Variants in CUX1 observed in about 807,000 individuals in gnomAD.
CUX1 encodes the protein cut like homeobox 1, also known as protein CASP.
Under a neutral mutation model 158.8 loss-of-function variants are expected in CUX1, and 31 were observed. That is an observed-to-expected ratio of 0.20 (90% confidence interval 0.15 to 0.26). The LOEUF is 0.26. CUX1 is among the 10% of genes least tolerant of loss of function. CUX1 has a pLI of 1.00. For synonymous variants in CUX1, 879 were observed against 862.1 expected, an observed-to-expected ratio of 1.02 and a Z score of -0.34; for missense variants, 1,589 against 2,014.6, an observed-to-expected ratio of 0.79 and a Z score of 4.04.
In CUX1 at chr7:102,064,542, G is replaced by A. The variant is rs1251202160; in HGVS notation, c.190-5797G>A. ...ACCAAGCCTTGGCTTGTACCTCCAA[G>A]GCATGCAGTGGATGGGCTGAGCTCC... On this transcript the variant is annotated intron_variant, in intron 3 of 23. Coordinates refer to ENST00000292535, the MANE Select transcript of CUX1 (RefSeq NM_181552.4). Among the ~76,000 whole-genome samples the A allele has an allele frequency of 7.2e-5, 11 of 152,204 alleles. No individual in the cohort carries two copies. The East Asian group carries it at 1.9e-3, about 27-fold the overall frequency.
intron 8 of CUX1, among the ~76,000 whole-genome samples, chr7:102,143,584 T>C (rs1554501058): frequency 1.3e-5 from 2 of 152,130 alleles, no homozygotes; most frequent in African/African-American, 4.8e-5. Context: ...AATCATTTTC[T>C]GTGTCAAAGA....
intron 14 of CUX1, among the ~76,000 whole-genome samples, chr7:102,272,919 C>T (rs1791330276): frequency 6.6e-6 from 1 of 152,180 alleles, no homozygotes; most frequent in Non-Finnish European, 1.5e-5. Flanking sequence ...TCTGCCTCTC[C>T]TACCCCCAGG....
intron 14 of CUX1, 118 bp from the exon 15 acceptor site, chr7:102,196,516 A>T: frequency 1.0e-6 from 1 of 996,340 alleles, no homozygotes; most frequent in Non-Finnish European, 1.4e-6. Flanking sequence ...CTTGTAAAAA[A>T]AACCTGCACT....
chr7:101,935,525 C>T (rs914032750), intron 2 of CUX1, among the ~76,000 whole-genome samples: 3 of 152,228 alleles, frequency 2.0e-5, no homozygotes, highest in Non-Finnish European at 4.4e-5. Flanking sequence ...GGCACATCTG[C>T]TGTGGGTGCC....
At chr7:102,121,936 A>T (rs1165282698) in intron 8 of CUX1, among the ~76,000 whole-genome samples, 4 of 152,170 alleles carry the variant, frequency 2.6e-5, no homozygotes, top group Non-Finnish European at 4.4e-5. Flanking sequence ...TGGGGGGTTC[A>T]GCCTTTCCCA....
chr7:101,986,905 G>T (rs1814387179), intron 2 of CUX1, among the ~76,000 whole-genome samples: 1 of 152,180 alleles, frequency 6.6e-6, no homozygotes. Context: ...CCTGTGGCCT[G>T]AAGGACAAGC....
intron 8 of CUX1, among the ~76,000 whole-genome samples, chr7:102,123,785 C>T (rs1832324284): frequency 6.6e-6 from 1 of 151,940 alleles, no homozygotes; most frequent in South Asian, 2.1e-4. Flanking sequence ...ACCTCAGCCA[C>T]CCAAGTAGCT....
At position 102,255,590 on chromosome 7, in the gene CUX1, C is replaced by G; in HGVS notation, c.*6548C>G. 9.1e-6 allele frequency: 9 copies of G among 985,348 alleles called. No homozygotes were observed. The highest frequency in any genetic ancestry group is 1.1e-5 in the Non-Finnish European group (9 of 829,902). 61.0% of individuals were successfully genotyped at this position (985,348 alleles called of 1,614,324 possible). A position where few individuals can be genotyped will look rare whatever the true frequency, so the allele number is the denominator to read the frequency against. ...TTCTGTAGTGTTTACGCTTTAATTT[C>G]TACCACAAAATATGCTATATGCTAT... On this transcript the variant is annotated 3_prime_UTR_variant, in exon 24 of 24. Coordinates refer to ENST00000292535, the MANE Select transcript of CUX1 (RefSeq NM_181552.4).
chr7:102,253,063 T>G lies in CUX1; in HGVS notation c.*4021T>G. On this transcript the variant is annotated 3_prime_UTR_variant, in exon 24 of 24. Coordinates refer to ENST00000292535, the MANE Select transcript of CUX1 (RefSeq NM_181552.4). ...AAAAGATACCAGTCGACAGCCTCCC[T>G]GGGGTAGATCCCTTGTACCTCCAAA... 1 of 985,458 alleles carries G rather than the reference T, an allele frequency of 1.0e-6. No individual in the cohort carries two copies. Among genetic ancestry groups the G allele is most frequent in the Non-Finnish European group, 1.2e-6 (1 of 829,920 alleles). The allele number at this position is 985,458 out of a possible 1,614,324, so 61.0% of individuals were successfully genotyped here. A position where few individuals can be genotyped will look rare whatever the true frequency, so the allele number is the denominator to read the frequency against.
chr7:102,249,467 T>C lies in CUX1; in HGVS notation c.*425T>C. The C allele has an allele frequency of 1.0e-6, 1 of 984,078 alleles. No homozygotes were observed. 61.0% of individuals were successfully genotyped at this position (984,078 alleles called of 1,614,324 possible). A position where few individuals can be genotyped will look rare whatever the true frequency, so the allele number is the denominator to read the frequency against. Reference sequence around the variant, plus strand: ...AAAACGGAAATGTGTGGTCGAGCTTTTTTGTACCCTGAAGTGTTTTTTTTA... The same window carrying C: ...AAAACGGAAATGTGTGGTCGAGCTTCTTTGTACCCTGAAGTGTTTTTTTTA... On this transcript the variant is annotated 3_prime_UTR_variant, in exon 24 of 24. Transcript: ENST00000292535.
chr7:102,164,952 C>G (rs1790847071), intron 9 of CUX1, among the ~76,000 whole-genome samples: 1 of 151,958 alleles, frequency 6.6e-6, no homozygotes, highest in Non-Finnish European at 1.5e-5. Context: ...CCATATAAAA[C>G]CAGGGACTTC....
chr7:102,104,745 A>G (rs1349728600), intron 6 of CUX1, among the ~76,000 whole-genome samples: 1 of 151,964 alleles, frequency 6.6e-6, no homozygotes, highest in Admixed American at 6.6e-5. Context: ...ACAAAAAAAA[A>G]TTAGCCAGGC....
intron 2 of CUX1, among the ~76,000 whole-genome samples, chr7:101,969,978 G>T (rs1811742180): frequency 1.3e-5 from 1 of 78,756 alleles, no homozygotes; most frequent in Admixed American, 2.1e-4. Context: ...GCCGGAGTTA[G>T]CACCAAAAAA....
chr7:101,890,452 G>A (rs764539528), intron 1 of CUX1, among the ~76,000 whole-genome samples: 2 of 151,588 alleles, frequency 1.3e-5, no homozygotes, highest in Non-Finnish European at 2.9e-5. Context: ...GGTCAGAGCT[G>A]GCTAGGAGAG....
At chr7:101,896,733 T>C (rs1801561162) in intron 1 of CUX1, among the ~76,000 whole-genome samples, 1 of 152,194 alleles carries the variant, frequency 6.6e-6, no homozygotes, top group Admixed American at 6.5e-5. Flanking sequence ...AATAAAAAAT[T>C]AGCTTGATTA....
intron 21 of CUX1, among the ~76,000 whole-genome samples, chr7:102,229,998 G>A (rs553903794): frequency 2.6e-5 from 4 of 152,280 alleles, no homozygotes; most frequent in Admixed American, 6.5e-5. Flanking sequence ...GTTTAGGCAC[G>A]CGGAGATTGG....
chr7:101,827,364 G>A (rs1162928836), intron 1 of CUX1, among the ~76,000 whole-genome samples: 5 of 151,616 alleles, frequency 3.3e-5, no homozygotes, highest in Non-Finnish European at 7.4e-5. Flanking sequence ...AGAGTGCAGT[G>A]ACATAATCAT....
downstream of CUX1, among the ~76,000 whole-genome samples, chr7:102,258,561 C>G (rs750656276): frequency 3.0e-4 from 45 of 152,346 alleles, no homozygotes; most frequent in Non-Finnish European, 5.6e-4. Context: ...CGTCCGCTTC[C>G]TTTTCTGTAA....
chr7:101,817,810 C>G lies in CUX1; in HGVS notation c.30+141C>G. 2 of 990,494 alleles carry G rather than the reference C, an allele frequency of 2.0e-6. No homozygotes were observed. The highest frequency in any genetic ancestry group is 1.7e-5 in the South Asian group (1 of 58,428). 61.4% of individuals were successfully genotyped at this position (990,494 alleles called of 1,614,324 possible). On this transcript the variant is annotated intron_variant, in intron 1 of 23. Coordinates refer to ENST00000292535, the MANE Select transcript of CUX1 (RefSeq NM_181552.4). The surrounding 1 kb of genome is among the most constrained non-coding windows in gnomAD (Gnocchi z 4.1). ...GAGGGGATAGGAGGGTTCCTCAGGG[C>G]CCCTGGGGAACTGCAGCTACTCCCA...
Sources: allele counts gnomAD v4.1 joint callset (sites outside exome capture counted in the v4.1 genomes callset), GRCh38; gene constraint gnomAD v4.1.1; non-coding constraint Gnocchi (gnomAD v3.1); transcripts MANE v1.5; gene names NCBI Gene and HGNC (gene_info 2026-07-23, HGNC 2026-07-21).